Variants in FAM117B observed in about 807,000 individuals in gnomAD.
FAM117B encodes protein FAM117B.
FAM117B carries 22 observed loss-of-function variants against 52.8 expected under a neutral mutation model. That is an observed-to-expected ratio of 0.42 (90% CI 0.30 to 0.59). FAM117B has a LOEUF of 0.59. Ranked by LOEUF, FAM117B falls within the 20% of genes least tolerant of loss-of-function variation. The probability of loss-of-function intolerance (pLI) is 0.22; values close to 1 mark genes in which losing one functional copy is unlikely to be tolerated. For synonymous variants in FAM117B, 309 were observed against 324.1 expected (o/e 0.95, Z 0.50); for missense variants, 678 against 802.6 (o/e 0.84, Z 1.88).
intron 4 of FAM117B, among the ~76,000 whole-genome samples, chr2:202,746,722 GT>G (rs1372659371): frequency 1.3e-5 from 2 of 152,186 alleles, no homozygotes; most frequent in East Asian, 3.9e-4. Context: ...AACAAACCAT[GT>G]TACTGGTTAT....
Position 202,635,580 on chromosome 2 carries a change from TG to T in FAM117B, c.395del (p.Gly132GlufsTer34). On this transcript the variant is annotated frameshift_variant, in exon 1 of 8. Coordinates refer to ENST00000392238, the MANE Select transcript of FAM117B (RefSeq NM_173511.4). LOFTEE classifies it high-confidence loss of function. ...GTSPTRSAAP[G>X]ARGSPPRPPP... ...CCAGCCCCACGCGCAGCGCCGCGCCTGGAGCTCGCGGGAGCCCCCCACGGCC... is the reference window on the plus strand; with the variant it reads ...CCAGCCCCACGCGCAGCGCCGCGCCTGAGCTCGCGGGAGCCCCCCACGGCC... 1 of 1,239,604 alleles carries T rather than the reference TG, an allele frequency of 8.1e-7. No individual in the cohort carries two copies. The allele number at this position is 1,239,604 out of a possible 1,614,324, so 76.8% of individuals were successfully genotyped here.
intron 2 of FAM117B, among the ~76,000 whole-genome samples, chr2:202,705,416 T>A (rs1690857295): frequency 6.6e-6 from 1 of 152,126 alleles, no homozygotes; most frequent in African/African-American, 2.4e-5. Flanking sequence ...TGAGAATGAG[T>A]GAATGATTAA....
intron 2 of FAM117B, among the ~76,000 whole-genome samples, chr2:202,711,979 A>G (rs1690963423): frequency 6.6e-6 from 1 of 152,092 alleles, no homozygotes; most frequent in Non-Finnish European, 1.5e-5. Context: ...CAGTAATGTG[A>G]TTCTTCCAGT....
chr2:202,757,103 T>C, intron 5 of FAM117B, 110 bp from the exon 6 acceptor site: 1 of 1,085,098 alleles, frequency 9.2e-7, no homozygotes, highest in Non-Finnish European at 1.3e-6. Flanking sequence ...TAGGAAGGGA[T>C]TTCTGATTTG....
At chr2:202,648,217 A>G (rs1689898896) in intron 1 of FAM117B, among the ~76,000 whole-genome samples, 2 of 152,158 alleles carry the variant, frequency 1.3e-5, no homozygotes, top group African/African-American at 2.4e-5. Context: ...ATTCAGATAT[A>G]TGCATATGTC....
At chr2:202,659,708 G>A (rs1273497208) in intron 1 of FAM117B, among the ~76,000 whole-genome samples, 2 of 139,904 alleles carry the variant, frequency 1.4e-5, no homozygotes, top group Non-Finnish European at 3.0e-5. Flanking sequence ...TCCGCCTCCC[G>A]GGTTCAAACG....
In FAM117B at chr2:202,767,592, T is replaced by C. The variant is rs1361752955; in HGVS notation, c.*1828T>C. The C allele has an allele frequency of 6.6e-6, 1 of 152,132 alleles. No individual in the cohort carries two copies. The highest frequency in any genetic ancestry group is 1.9e-4 in the East Asian group (1 of 5,200). 9.4% of individuals were successfully genotyped at this position (152,132 alleles called of 1,614,324 possible). ...ATACATATTATAAGGTAGAAAAAAG[T>C]TTTTAAATCCTTATAAAGAGGATGC... On this transcript the variant is annotated 3_prime_UTR_variant, in exon 8 of 8. Transcript: ENST00000392238.
At chr2:202,747,400 G>C (rs149719444) in intron 4 of FAM117B, among the ~76,000 whole-genome samples, 80 of 152,146 alleles carry the variant, frequency 5.3e-4, no homozygotes, top group Non-Finnish European at 1.1e-3. Flanking sequence ...CAGTTATTCA[G>C]TATAGTACTG....
At chr2:202,737,538 C>G (rs987704452) in intron 4 of FAM117B, among the ~76,000 whole-genome samples, 4 of 152,090 alleles carry the variant, frequency 2.6e-5, no homozygotes, top group Non-Finnish European at 5.9e-5. Flanking sequence ...TCGTTTGAGA[C>G]TGTCTTCTTT....
intron 1 of FAM117B, among the ~76,000 whole-genome samples, chr2:202,643,886 T>G (rs1292484043): frequency 2.0e-5 from 3 of 152,062 alleles, no homozygotes; most frequent in African/African-American, 7.2e-5. Flanking sequence ...ATTTTTGTAT[T>G]TTTAGTAGAG....
chr2:202,685,518 T>C (rs1690525650), intron 1 of FAM117B, among the ~76,000 whole-genome samples: 1 of 152,162 alleles, frequency 6.6e-6, no homozygotes. Context: ...AAAATTTATA[T>C]GAAACTGCAA....
At chr2:202,699,435 A>G (rs1315051322) in intron 2 of FAM117B, among the ~76,000 whole-genome samples, 1 of 131,918 alleles carries the variant, frequency 7.6e-6, no homozygotes, top group Non-Finnish European at 1.6e-5. Flanking sequence ...TCAAAAAAAA[A>G]AAAAAAAAAA....
intron 4 of FAM117B, among the ~76,000 whole-genome samples, chr2:202,733,995 T>A (rs953150627): frequency 1.3e-5 from 2 of 152,186 alleles, no homozygotes; most frequent in East Asian, 3.8e-4. Context: ...TATAAAAGTA[T>A]TAATTTTGGG....
intron 1 of FAM117B, among the ~76,000 whole-genome samples, chr2:202,665,796 TCA>T (rs1197113664): frequency 6.6e-6 from 1 of 152,198 alleles, no homozygotes; most frequent in Non-Finnish European, 1.5e-5. Context: ...AGACAGGGTT[TCA>T]CCATGTTGAC....
At chr2:202,740,174 C>CCA (rs1553523191) in intron 4 of FAM117B, among the ~76,000 whole-genome samples, 53 of 100,566 alleles carry the variant, frequency 5.3e-4, no homozygotes, top group African/African-American at 2.1e-3. Context: ...CTTCATCCCC[C>CCA]AAAAAAAAAA....
chr2:202,755,477 C>A, intron 4 of FAM117B, 61 bp from the exon 5 acceptor site: 1 of 1,577,032 alleles, frequency 6.3e-7, no homozygotes, highest in Non-Finnish European at 8.6e-7. Context: ...TGGAATTACG[C>A]TTCAGCCTAG....
chr2:202,699,441 A>G (rs1347205898), intron 2 of FAM117B, among the ~76,000 whole-genome samples: 25 of 128,860 alleles, frequency 1.9e-4, no homozygotes, highest in Non-Finnish European at 3.0e-4. Flanking sequence ...AAAAAAAAAA[A>G]AAAAAAAGAA....
chr2:202,765,966 T>A lies in FAM117B; in HGVS notation c.*202T>A. 4 of 582,976 alleles carry A rather than the reference T, an allele frequency of 6.9e-6. No homozygotes were observed. Among genetic ancestry groups the A allele is most frequent in the Non-Finnish European group, 9.1e-6 (3 of 329,960 alleles). 36.1% of individuals were successfully genotyped at this position (582,976 alleles called of 1,614,324 possible). On this transcript the variant is annotated 3_prime_UTR_variant, in exon 8 of 8. Transcript: ENST00000392238. ...CGCCAACCCTCAGTGCTTAGCCTGCTTTTTATCAAAGCACTGATTGAAACA... is the reference window on the plus strand; with the variant it reads ...CGCCAACCCTCAGTGCTTAGCCTGCATTTTATCAAAGCACTGATTGAAACA...
intron 4 of FAM117B, among the ~76,000 whole-genome samples, chr2:202,731,332 A>AATATATATATAT (rs35255766): frequency 0.051 from 1,559 of 30,528 alleles, 149 homozygotes; most frequent in Non-Finnish European, 0.1. Flanking sequence ...GAGAAATTGG[A>AATATATATATAT]ATATATATAT....
Sources: allele counts gnomAD v4.1 joint callset (sites outside exome capture counted in the v4.1 genomes callset), GRCh38; gene constraint gnomAD v4.1.1; transcripts MANE v1.5; gene names NCBI Gene and HGNC (gene_info 2026-07-23, HGNC 2026-07-21).